NALCN: variants seen among roughly 807,000 people sequenced by gnomAD.
The protein encoded by NALCN is sodium leak channel, non-selective.
A neutral mutation model predicts 225.3 loss-of-function variants in NALCN; 111 were observed. The ratio of observed to expected loss-of-function variants is 0.49; its 90% CI spans 0.42 to 0.58. The LOEUF is 0.58. Among genes scored for constraint, NALCN ranks in the 20% least tolerant of loss-of-function variants. NALCN has a pLI of 0.00. For synonymous variants in NALCN, 764 were observed against 769.0 expected (o/e 0.99, Z 0.11); for missense variants, 1,378 against 2,202.4 (o/e 0.63, Z 7.49).
rs771531599 is a variant in NALCN, at chr13:101,060,275, G to GTT, written c.4756-310_4756-309dup. On this transcript the variant is annotated intron_variant, in intron 41 of 43. Transcript: ENST00000251127. ...TTTCTTTTTGTTGTTGGTGTTTTCTGTTTTTTTTTTTTTTTTTTTAGATAG... is the reference window on the plus strand; with the variant it reads ...TTTCTTTTTGTTGTTGGTGTTTTCTGTTTTTTTTTTTTTTTTTTTTTAGATAG... Among the ~76,000 whole-genome samples the GTT allele has an allele frequency of 7.4e-3, 589 of 79,786 alleles. 40 individuals carry two copies. The highest frequency in any genetic ancestry group is 0.027 in the African/African-American group (535 of 19,502). 52.3% of individuals were successfully genotyped at this position (79,786 alleles called of 152,430 possible).
chr13:101,382,669 A>C (rs1423469617), intron 3 of NALCN, among the ~76,000 whole-genome samples: 2 of 152,226 alleles, frequency 1.3e-5, no homozygotes, highest in African/African-American at 4.8e-5. Flanking sequence ...ACCAGTGGTG[A>C]TCAGAAATTA....
intron 6 of NALCN, among the ~76,000 whole-genome samples, chr13:101,363,088 G>A (rs1294478862): frequency 3.9e-5 from 6 of 152,138 alleles, no homozygotes; most frequent in African/African-American, 2.4e-5. Flanking sequence ...AGAAATTGAA[G>A]TGGACACAAA....
intron 10 of NALCN, among the ~76,000 whole-genome samples, chr13:101,270,589 G>A (rs1263375005): frequency 6.6e-6 from 1 of 152,120 alleles, no homozygotes; most frequent in East Asian, 1.9e-4. Context: ...AATCTTTAAG[G>A]AAAGACTCAT....
intron 11 of NALCN, among the ~76,000 whole-genome samples, chr13:101,244,964 A>C (rs1196246287): frequency 6.6e-6 from 1 of 152,144 alleles, no homozygotes; most frequent in African/African-American, 2.4e-5. Flanking sequence ...AAAAGGGAGA[A>C]GGCAACTGGG....
chr13:101,176,461 T>C (rs2038963286), intron 14 of NALCN, 87 bp from the exon 15 acceptor site: 8 of 890,644 alleles, frequency 9.0e-6, no homozygotes, highest in Non-Finnish European at 8.1e-6. Context: ...CTAAAATATA[T>C]TGAGTATATA....
chr13:101,057,499 G>C (rs1332101346), intron 43 of NALCN: 3 of 209,670 alleles, frequency 1.4e-5, no homozygotes, highest in Non-Finnish European at 2.9e-5. Flanking sequence ...GCCAGTGACC[G>C]GCTCAGCTGC....
At chr13:101,118,016 A>G (rs764481857) in intron 18 of NALCN, among the ~76,000 whole-genome samples, 1 of 152,178 alleles carries the variant, frequency 6.6e-6, no homozygotes, top group Non-Finnish European at 1.5e-5. Flanking sequence ...ACATCATCAC[A>G]TATTTGTTCA....
At chr13:101,415,216 TATATATATAC>T (rs200431581) in intron 1 of NALCN, among the ~76,000 whole-genome samples, 2 of 82,048 alleles carry the variant, frequency 2.4e-5, no homozygotes, top group African/African-American at 1.2e-4. Context: ...CACATATATA[TATATATATAC>T]ATACATATAT....
At chr13:101,228,274 G>A (rs573630895) in intron 13 of NALCN, among the ~76,000 whole-genome samples, 19 of 152,200 alleles carry the variant, frequency 1.2e-4, no homozygotes, top group Non-Finnish European at 2.1e-4. Flanking sequence ...ATAAAGCTAA[G>A]CTATCCATTA....
At chr13:101,337,265 C>T (rs1422089755) in intron 7 of NALCN, among the ~76,000 whole-genome samples, 6 of 151,036 alleles carry the variant, frequency 4.0e-5, no homozygotes, top group Non-Finnish European at 1.5e-5. Context: ...CATTCCTTCA[C>T]ATTTACTCTT....
intron 3 of NALCN, among the ~76,000 whole-genome samples, chr13:101,393,286 G>A (rs1191099097): frequency 6.6e-6 from 1 of 152,174 alleles, no homozygotes; most frequent in Non-Finnish European, 1.5e-5. Context: ...CTTCAGACTG[G>A]CAAATATCCA....
chr13:101,364,357 GATATGTAT>G (rs1056641475), intron 6 of NALCN, among the ~76,000 whole-genome samples: 14 of 152,086 alleles, frequency 9.2e-5, no homozygotes, highest in African/African-American at 3.1e-4. Context: ...AAGAAAATGT[GATATGTAT>G]ATATACACAC....
Position 101,358,934 on chromosome 13 carries a change from G to A in NALCN, c.645-13514C>T, listed in dbSNP as rs142537030. Among the ~76,000 whole-genome samples, 289 of 142,914 alleles carry A rather than the reference G, an allele frequency of 2.0e-3. 1 individual carries two copies. Among genetic ancestry groups the A allele is most frequent in the African/African-American group, 8.4e-3 (277 of 32,782 alleles). The allele number at this position is 142,914 out of a possible 152,430, so 93.8% of individuals were successfully genotyped here. On this transcript the variant is annotated intron_variant, in intron 6 of 43. Transcript: ENST00000251127. The stretch of plus-strand genomic sequence containing the variant: ...CTGGAAGCCATCACCTTCAGCAAAC[G>A]TAACACAGGATCAGAAAACCAAACA...
At chr13:101,228,076 C>G (rs2041214047) in intron 13 of NALCN, among the ~76,000 whole-genome samples, 1 of 152,132 alleles carries the variant, frequency 6.6e-6, no homozygotes, top group South Asian at 2.1e-4. Context: ...CTACTGGTTC[C>G]TCCCCTCAAC....
chr13:101,363,340 G>C (rs554890846), intron 6 of NALCN, among the ~76,000 whole-genome samples: 1 of 152,052 alleles, frequency 6.6e-6, no homozygotes, highest in East Asian at 1.9e-4. Context: ...TTCAAAATAT[G>C]CTACAAAGCT....
At chr13:101,387,252 A>AAAAAAAAAAAT (rs58578868) in intron 3 of NALCN, among the ~76,000 whole-genome samples, 1 of 116,778 alleles carries the variant, frequency 8.6e-6, no homozygotes, top group African/African-American at 3.6e-5. Flanking sequence ...AAAAAAAAAA[A>AAAAAAAAAAAT]AACAGGTTAG....
intron 14 of NALCN, among the ~76,000 whole-genome samples, chr13:101,186,062 G>A (rs977549815): frequency 6.6e-6 from 1 of 152,234 alleles, no homozygotes; most frequent in Admixed American, 6.5e-5. Context: ...TGCAATGTGT[G>A]TGTAACACAG....
chr13:101,369,973 G>C (rs781110485), intron 6 of NALCN, among the ~76,000 whole-genome samples: 6 of 151,946 alleles, frequency 3.9e-5, no homozygotes, highest in Non-Finnish European at 5.9e-5. Context: ...CTCCTTTCCT[G>C]CTTTTAGCAA....
chr13:101,059,859 C>T lies in NALCN; in HGVS notation c.4864G>A (p.Asp1622Asn). ...TTGTCCTGACTGTTGGCATTCGTGT[C>T]CTCACTGGGCTGGGTGGTCTCGATG... is the stretch of plus-strand genomic sequence containing the variant. ...PSIETTQPSE[D>N]TNANSQDNSM... Residue 1622 changes from aspartate (D) to asparagine (N), a missense_variant, in exon 42 of 44, where the codon GAC (aspartate) becomes AAC (asparagine). Coordinates refer to ENST00000251127, the MANE Select transcript of NALCN (RefSeq NM_052867.4). 15 of 1,614,062 alleles carry T rather than the reference C, an allele frequency of 9.3e-6. No individual in the cohort carries two copies. The highest frequency in any genetic ancestry group is 1.2e-5 in the Non-Finnish European group (14 of 1,180,018).
Sources: gnomAD v4.1 joint callset for allele counts (sites outside exome capture counted in the v4.1 genomes callset) on GRCh38, gnomAD v4.1.1 for gene constraint, MANE v1.5 for transcripts, NCBI Gene and HGNC (gene_info 2026-07-23, HGNC 2026-07-21) for gene names.